Variants in UTRN observed in about 807,000 individuals in gnomAD.
UTRN encodes the protein dystrophin-related protein 1.
Under a neutral mutation model 463.9 loss-of-function variants are expected in UTRN, and 283 were observed. The observed-to-expected ratio is 0.61, with a 90% CI of 0.55 to 0.67. The LOEUF (loss-of-function observed/expected upper bound fraction) is 0.67. UTRN is among the 30% of genes least tolerant of loss of function. UTRN has a pLI of 0.00. For missense variants in UTRN, 3,922 were observed against 4,084.3 expected (o/e 0.96, Z 1.08); for synonymous variants, 1,442 against 1,431.5 (o/e 1.01, Z -0.17).
At position 144,490,345 on chromosome 6, in the gene UTRN, T is replaced by C. The variant is rs993764156; in HGVS notation, c.4263+146T>C. The stretch of plus-strand genomic sequence containing the variant: ...GAGTGATGATGTGTTGAAGGTTGCA[T>C]CCTAGGGCAGCAGAAACAAATTGTT... On this transcript the variant is annotated intron_variant, in intron 31 of 74. Coordinates refer to ENST00000367545, the MANE Select transcript of UTRN (RefSeq NM_007124.3). 9 of 1,173,366 alleles carry C rather than the reference T, an allele frequency of 7.7e-6. No individual in the cohort carries two copies. In the African/African-American group the frequency reaches 1.1e-4, roughly 14 times the overall value. 72.7% of individuals were successfully genotyped at this position (1,173,366 alleles called of 1,614,324 possible). A position where few individuals can be genotyped will look rare whatever the true frequency, so the allele number is the denominator to read the frequency against.
At chr6:144,536,867 T>C (rs1797584295) in intron 43 of UTRN, among the ~76,000 whole-genome samples, 1 of 152,074 alleles carries the variant, frequency 6.6e-6, no homozygotes, top group Non-Finnish European at 1.5e-5. Context: ...CTTATAAATG[T>C]TATTCTTATA....
At chr6:144,305,724 G>T (rs532349746) in intron 2 of UTRN, among the ~76,000 whole-genome samples, 3 of 152,236 alleles carry the variant, frequency 2.0e-5, no homozygotes, top group Admixed American at 2.0e-4. Flanking sequence ...AATGTGTTGA[G>T]CCTGGGGACC....
intron 2 of UTRN, among the ~76,000 whole-genome samples, chr6:144,382,477 A>T (rs1028694391): frequency 6.6e-6 from 1 of 152,186 alleles, no homozygotes; most frequent in African/African-American, 2.4e-5. Context: ...ATGTTTTGCT[A>T]CATCTGGGAA....
rs376219687 is a variant in UTRN at position 144,633,251 on chromosome 6, A to G, written c.7480-45155A>G. On this transcript the variant is annotated intron_variant, in intron 51 of 74. Coordinates refer to ENST00000367545, the MANE Select transcript of UTRN (RefSeq NM_007124.3). Reference sequence around the variant, plus strand: ...CCTTTTTTTTTTTTTTTTTCCTGAGACGGAGTCTTGCTCTGTCACCCAGGC... The same window carrying G: ...CCTTTTTTTTTTTTTTTTTCCTGAGGCGGAGTCTTGCTCTGTCACCCAGGC... Among the ~76,000 whole-genome samples, 827 of 133,332 alleles carry G rather than the reference A, an allele frequency of 6.2e-3. 7 individuals are homozygous for G. Among genetic ancestry groups the G allele is most frequent in the Middle Eastern group, 0.019 (4 of 216 alleles). The allele number at this position is 133,332 out of a possible 152,430, so 87.5% of individuals were successfully genotyped here.
intron 43 of UTRN, 67 bp downstream of exon 43, chr6:144,533,327 C>A: frequency 6.4e-7 from 1 of 1,558,698 alleles, no homozygotes; most frequent in Non-Finnish European, 8.7e-7. Context: ...TTTTAAGATG[C>A]AATCTAATGA....
At chr6:144,584,989 T>TC (rs1802324088) in intron 51 of UTRN, among the ~76,000 whole-genome samples, 1 of 152,124 alleles carries the variant, frequency 6.6e-6, no homozygotes, top group Non-Finnish European at 1.5e-5. Flanking sequence ...TATAAAGCTT[T>TC]CTTTTTTTTA....
chr6:144,666,965 T>C (rs745342590), intron 51 of UTRN, among the ~76,000 whole-genome samples: 7 of 152,216 alleles, frequency 4.6e-5, no homozygotes, highest in Non-Finnish European at 8.8e-5. Flanking sequence ...GCGTATGCTC[T>C]TGTGAAACTT....
rs149067213 is a variant in UTRN, at chr6:144,601,262, A to G, written c.7479+23974A>G. 2.3e-3 allele frequency among the ~76,000 whole-genome samples: 343 copies of G among 152,292 alleles called. 2 individuals carry two copies. Among genetic ancestry groups the G allele is most frequent in the African/African-American group, 7.8e-3 (324 of 41,564 alleles). On this transcript the variant is annotated intron_variant, in intron 51 of 74. Transcript: ENST00000367545. Reference sequence around the variant, plus strand: ...AATGTTTCATAAAGCTATAGCTGCTAAAGATAGTAATTCCTTTGATGGATT... The same window carrying G: ...AATGTTTCATAAAGCTATAGCTGCTGAAGATAGTAATTCCTTTGATGGATT...
intron 52 of UTRN, among the ~76,000 whole-genome samples, chr6:144,695,254 G>A (rs1783870179): frequency 6.6e-6 from 1 of 151,988 alleles, no homozygotes; most frequent in South Asian, 2.1e-4. Flanking sequence ...CCATGGTGTG[G>A]CCATTGGAAC....
chr6:144,398,317 C>T (rs1782637723), intron 2 of UTRN: 1 of 320,974 alleles, frequency 3.1e-6, no homozygotes, highest in African/African-American at 2.2e-5. Context: ...TCCTTGTCCT[C>T]AATAGATTTG....
chr6:144,842,479 C>T (rs1781669191), intron 73 of UTRN, among the ~76,000 whole-genome samples: 1 of 151,992 alleles, frequency 6.6e-6, no homozygotes, highest in Non-Finnish European at 1.5e-5. Context: ...GTCCTACCTA[C>T]TTGGGAGGCT....
At chr6:144,378,477 C>T (rs1241493226) in intron 2 of UTRN, among the ~76,000 whole-genome samples, 5 of 152,154 alleles carry the variant, frequency 3.3e-5, no homozygotes, top group East Asian at 3.8e-4. Flanking sequence ...CTGGAGGAGT[C>T]GTCCAGAAGT....
chr6:144,349,697 C>G (rs111685276), intron 2 of UTRN, among the ~76,000 whole-genome samples: 2 of 151,970 alleles, frequency 1.3e-5, no homozygotes, highest in Non-Finnish European at 2.9e-5. Context: ...TATATTTTTC[C>G]TTGGCATTAC....
intron 73 of UTRN, among the ~76,000 whole-genome samples, chr6:144,842,707 G>A (rs948782617): frequency 6.6e-6 from 1 of 152,144 alleles, no homozygotes; most frequent in Non-Finnish European, 1.5e-5. Context: ...ATCTATTTGT[G>A]TTTTGCCAGT....
intron 64 of UTRN, among the ~76,000 whole-genome samples, chr6:144,801,935 A>C (rs1434289343): frequency 1.3e-5 from 2 of 152,192 alleles, no homozygotes; most frequent in Non-Finnish European, 2.9e-5. Flanking sequence ...CAGTCCCTTG[A>C]AATTCCAATT....
intron 50 of UTRN, among the ~76,000 whole-genome samples, chr6:144,567,342 A>T (rs1474670057): frequency 6.6e-6 from 1 of 152,112 alleles, no homozygotes; most frequent in Admixed American, 6.6e-5. Context: ...ATGATTCAAT[A>T]TTGGTTGACT....
intron 19 of UTRN, among the ~76,000 whole-genome samples, chr6:144,455,240 T>G (rs1788704502): frequency 2.0e-5 from 3 of 152,326 alleles, no homozygotes; most frequent in Non-Finnish European, 2.9e-5. Context: ...ATTTCTTTCT[T>G]TAAATAAATT....
At chr6:144,553,446 G>T (rs913922192) in intron 48 of UTRN, among the ~76,000 whole-genome samples, 2 of 152,148 alleles carry the variant, frequency 1.3e-5, no homozygotes, top group African/African-American at 4.8e-5. Context: ...CGTTCCTCTT[G>T]GGCCTGGTAC....
At chr6:144,373,348 C>G (rs1780174604) in intron 2 of UTRN, among the ~76,000 whole-genome samples, 1 of 152,140 alleles carries the variant, frequency 6.6e-6, no homozygotes, top group Non-Finnish European at 1.5e-5. Context: ...ACAGGAAATA[C>G]AGGACTGATA....
Sources: allele counts gnomAD v4.1 joint callset (sites outside exome capture counted in the v4.1 genomes callset), GRCh38; gene constraint gnomAD v4.1.1; transcripts MANE v1.5; gene names NCBI Gene and HGNC (gene_info 2026-07-23, HGNC 2026-07-21).